The following NDUFAF2 variants were observed in gnomAD, a reference collection of about 807,000 sequenced individuals.
NDUFAF2 encodes NADH:ubiquinone oxidoreductase complex assembly factor 2.
Under a neutral mutation model 22.8 loss-of-function variants are expected in NDUFAF2, and 13 were observed. That is an observed-to-expected ratio of 0.57 (90% CI 0.37 to 0.91). The LOEUF is 0.91. Ranked by LOEUF, NDUFAF2 falls within the 40% of genes least tolerant of loss-of-function variation. The pLI is 0.01. For synonymous variants in NDUFAF2, 53 were observed against 64.2 expected, an observed-to-expected ratio of 0.83 and a Z score of 0.84; for missense variants, 162 against 195.2, an observed-to-expected ratio of 0.83 and a Z score of 1.01.
chr5:61,101,073 T>A (rs1221788205), intron 3 of NDUFAF2, among the ~76,000 whole-genome samples: 1 of 152,158 alleles, frequency 6.6e-6, no homozygotes, highest in Non-Finnish European at 1.5e-5. Context: ...TTCTTACCAC[T>A]GTAACTTTTA....
At chr5:60,966,035 C>T (rs1750754360) in intron 1 of NDUFAF2, among the ~76,000 whole-genome samples, 1 of 151,794 alleles carries the variant, frequency 6.6e-6, no homozygotes, top group Admixed American at 6.6e-5. Flanking sequence ...ACACTTGTTA[C>T]CTTTTGTCTT....
In NDUFAF2 at chr5:61,107,330, T is replaced by A. The variant is rs1298618075; in HGVS notation, c.258+8298T>A. ...GTAGTTTTGGTTTGCATTTCTATGA[T>A]GATCAGTGATGTTGGAGCACTTTTT... On this transcript the variant is annotated intron_variant, in intron 3 of 3. Transcript: ENST00000296597. Among the ~76,000 whole-genome samples the A allele has an allele frequency of 6.6e-5, 10 of 151,596 alleles. No homozygotes were observed. The East Asian group carries it at 1.2e-3, about 18-fold the overall frequency.
chr5:60,952,120 A>C (rs886392179), intron 1 of NDUFAF2, among the ~76,000 whole-genome samples: 5 of 151,582 alleles, frequency 3.3e-5, no homozygotes, highest in Non-Finnish European at 1.5e-5. Flanking sequence ...CTATCTGATG[A>C]GTGGTTTGTT....
rs36065069 is a variant in NDUFAF2 at position 61,039,143 on chromosome 5, C to CAAA, written c.128-33966_128-33964dup. Among the ~76,000 whole-genome samples, 749 of 82,472 alleles carry CAAA rather than the reference C, an allele frequency of 9.1e-3. 14 individuals are homozygous for CAAA. Among genetic ancestry groups the CAAA allele is most frequent in the African/African-American group, 0.034 (702 of 20,536 alleles). The allele number at this position is 82,472 out of a possible 152,430, so 54.1% of individuals were successfully genotyped here. ...AAACTGTTTCTCACAGCTGACAGGC[C>CAAA]AAAAAAAAAAAAAAAAAAGTCTTGG... On this transcript the variant is annotated intron_variant, in intron 1 of 3. Transcript: ENST00000296597.
intron 1 of NDUFAF2, among the ~76,000 whole-genome samples, chr5:61,056,889 C>CAAAA (rs144850054): frequency 4.9e-4 from 23 of 46,790 alleles, no homozygotes; most frequent in Non-Finnish European, 5.5e-4. Context: ...ACTCTGTCTC[C>CAAAA]AAAAAAAAAA....
intron 1 of NDUFAF2, among the ~76,000 whole-genome samples, chr5:60,981,968 C>T (rs1020489478): frequency 1.3e-5 from 2 of 152,092 alleles, no homozygotes; most frequent in African/African-American, 4.8e-5. Flanking sequence ...AGACTGAAGA[C>T]TTAAATATAA....
intron 3 of NDUFAF2, among the ~76,000 whole-genome samples, chr5:61,099,439 C>G (rs995667814): frequency 6.6e-6 from 1 of 150,910 alleles, no homozygotes; most frequent in East Asian, 1.9e-4. Context: ...AAATCATGCT[C>G]TTATGTTTCC....
chr5:61,109,904 C>T (rs556307830), intron 3 of NDUFAF2, among the ~76,000 whole-genome samples: 12 of 152,102 alleles, frequency 7.9e-5, no homozygotes, highest in African/African-American at 1.2e-4. Flanking sequence ...ATGTCTTTAT[C>T]GCAGTGTGAA....
rs188170114 is a variant in NDUFAF2 at position 61,022,416 on chromosome 5, C to T, written c.128-50709C>T. 2.6e-5 allele frequency among the ~76,000 whole-genome samples: 4 copies of T among 152,230 alleles called. No homozygotes were observed. In the East Asian group the frequency reaches 7.7e-4, roughly 29 times the overall value. ...TATTTGTCTGAGAATGTCTGTTTTCCTCACAGACCTGAATGATGGTTTAAT... is the reference window on the plus strand; with the variant it reads ...TATTTGTCTGAGAATGTCTGTTTTCTTCACAGACCTGAATGATGGTTTAAT... On this transcript the variant is annotated intron_variant, in intron 1 of 3. Transcript: ENST00000296597.
intron 1 of NDUFAF2, among the ~76,000 whole-genome samples, chr5:61,037,695 CT>C (rs1034465070): frequency 2.0e-5 from 3 of 152,092 alleles, no homozygotes; most frequent in African/African-American, 4.8e-5. Context: ...CCCCTTTCCC[CT>C]ACTCGCTTTT....
At chr5:61,006,980 A>T (rs1475777113) in intron 1 of NDUFAF2, among the ~76,000 whole-genome samples, 2 of 152,048 alleles carry the variant, frequency 1.3e-5, no homozygotes, top group African/African-American at 4.8e-5. Context: ...TTTTTCTTGT[A>T]AATTTGTTTG....
At chr5:61,034,373 G>GTA (rs1239345208) in intron 1 of NDUFAF2, among the ~76,000 whole-genome samples, 7 of 152,244 alleles carry the variant, frequency 4.6e-5, no homozygotes, top group Middle Eastern at 6.8e-3. Context: ...AGGCTATAGG[G>GTA]TATAGCCTGT....
intron 1 of NDUFAF2, among the ~76,000 whole-genome samples, chr5:60,991,797 T>C (rs1002434454): frequency 1.3e-5 from 2 of 152,176 alleles, no homozygotes; most frequent in Non-Finnish European, 2.9e-5. Context: ...TTTCATTTCT[T>C]TGGGGTATGT....
chr5:61,105,490 A>T (rs1579832169), intron 3 of NDUFAF2, among the ~76,000 whole-genome samples: 2 of 151,138 alleles, frequency 1.3e-5, no homozygotes. Flanking sequence ...TTAGTAACAT[A>T]GTGGAAATGA....
chr5:61,017,238 A>C (rs1751523660), intron 1 of NDUFAF2, among the ~76,000 whole-genome samples: 1 of 152,204 alleles, frequency 6.6e-6, no homozygotes, highest in African/African-American at 2.4e-5. Context: ...TTATGTTGAC[A>C]GGGTATATTA....
intron 1 of NDUFAF2, among the ~76,000 whole-genome samples, chr5:61,042,460 A>C (rs1751895623): frequency 6.6e-6 from 1 of 152,200 alleles, no homozygotes. Flanking sequence ...TAATATATAT[A>C]TAGAGAGATA....
intron 1 of NDUFAF2, among the ~76,000 whole-genome samples, chr5:61,056,903 A>T (rs1238660991): frequency 2.7e-5 from 1 of 36,858 alleles, no homozygotes; most frequent in Middle Eastern, 8.5e-3. Context: ...AAAAAAAAAA[A>T]AAAAAAAAAA....
intron 1 of NDUFAF2, among the ~76,000 whole-genome samples, chr5:61,048,360 C>G (rs1751979053): frequency 6.6e-6 from 1 of 152,082 alleles, no homozygotes; most frequent in Non-Finnish European, 1.5e-5. Context: ...GGGGTTAGTG[C>G]CTACTCACAT....
chr5:60,954,394 A>G lies in NDUFAF2; in HGVS notation c.127+9012A>G, dbSNP rs186698740. On this transcript the variant is annotated intron_variant, in intron 1 of 3. Transcript: ENST00000296597. ...GTGGCAAGCATGTTGAAAGGTTCCT[A>G]TTAGAGCACAATAGGTATTGTTGTG... Among the ~76,000 whole-genome samples, 57 of 152,342 alleles carry G rather than the reference A, an allele frequency of 3.7e-4. 1 individual carries two copies. Among genetic ancestry groups the G allele is most frequent in the African/African-American group, 7.2e-5 (3 of 41,578 alleles).
Sources: gnomAD v4.1 joint callset for allele counts (sites outside exome capture counted in the v4.1 genomes callset) on GRCh38, gnomAD v4.1.1 for gene constraint, MANE v1.5 for transcripts, NCBI Gene and HGNC (gene_info 2026-07-23, HGNC 2026-07-21) for gene names.